ACTR5: variants seen among roughly 807,000 people sequenced by gnomAD.
The protein encoded by ACTR5 is actin related protein 5.
ACTR5 carries 43 observed loss-of-function variants against 61.2 expected under a neutral mutation model. The ratio of observed to expected loss-of-function variants is 0.70; its 90% CI spans 0.55 to 0.91. The LOEUF (loss-of-function observed/expected upper bound fraction) is 0.91, where lower values mean the gene tolerates loss of function less well. Ranked by LOEUF, ACTR5 falls within the 40% of genes least tolerant of loss-of-function variation. ACTR5 has a pLI of 0.00. For synonymous variants in ACTR5, 333 were observed against 310.5 expected (o/e 1.07, Z -0.76); for missense variants, 798 against 782.2 (o/e 1.02, Z -0.24).
At chr20:38,771,534 G>A (rs755556537) in intron 8 of ACTR5, 25 bp from the exon 9 acceptor site, 1 of 1,600,652 alleles carries the variant, frequency 6.2e-7, no homozygotes. Context: ...TGGTGGAGGT[G>A]TCCTGGTGAA....
At position 38,772,076 on chromosome 20, in the gene ACTR5, C is replaced by T. The variant is rs1414315021; in HGVS notation, c.*260C>T. On this transcript the variant is annotated 3_prime_UTR_variant, in exon 9 of 9. Transcript: ENST00000243903. ...CAACTGTGGCCAGCTGTGGCATCAG[C>T]TTCCTGGAGCAGTAAATGAAGACAG... The T allele has an allele frequency of 2.0e-6, 1 of 502,422 alleles. No individual in the cohort carries two copies. 31.1% of individuals were successfully genotyped at this position (502,422 alleles called of 1,614,324 possible).
chr20:38,765,475 C>T lies in ACTR5; in HGVS notation c.1250C>T (p.Ser417Leu). The change falls in exon 6 of 9, where the codon TCA (serine) becomes TTA (leucine). Residue 417 changes from serine to leucine, a missense_variant. Transcript: ENST00000243903. ...ATGAATGATTTTGATCCCTTGTTTT[C>T]AGAGGAAACACCTGGAGTGGAGAAG... ...ESMNDFDPLF[S>L]EETPGVEKPV... The T allele has an allele frequency of 3.7e-6, 6 of 1,614,162 alleles. No homozygotes were observed. The highest frequency in any genetic ancestry group is 1.3e-5 in the African/African-American group (1 of 75,034).
chr20:38,767,575 A>G lies in ACTR5; in HGVS notation c.1545A>G (p.Arg515=), dbSNP rs778351710. Residue 515 remains arginine (R), a synonymous_variant, in exon 8 of 9, where the codon AGA becomes AGG. Transcript: ENST00000243903. The part of the protein sequence containing the change: ...ARMEKELLEM[R]PFRSSFQVQL... Reference sequence around the variant, plus strand: ...TGGAGAAGGAACTGTTGGAGATGAGACCCTTCCGGTCTTCTTTTCAGGTAC... The same window carrying G: ...TGGAGAAGGAACTGTTGGAGATGAGGCCCTTCCGGTCTTCTTTTCAGGTAC... 4 of 1,613,666 alleles carry G rather than the reference A, an allele frequency of 2.5e-6. No individual in the cohort carries two copies. Among genetic ancestry groups the G allele is most frequent in the South Asian group, 1.1e-5 (1 of 91,018 alleles).
chr20:38,752,231 G>A lies in ACTR5; in HGVS notation c.706G>A (p.Ala236Thr). 2 of 1,614,130 alleles carry A rather than the reference G, an allele frequency of 1.2e-6. No homozygotes were observed. The highest frequency in any genetic ancestry group is 1.1e-5 in the South Asian group (1 of 91,086). The change falls in exon 3 of 9, where the codon GCC becomes ACC. Residue 236 changes from alanine to threonine, a missense_variant. Transcript: ENST00000243903. ...GCTGAAGTACCCTGGGCACCTGGCA[G>A]CCATCACCCTCAGCCGCATGGAGGA... is the stretch of plus-strand genomic sequence containing the variant. ...LQLKYPGHLA[A>T]ITLSRMEEIL...
rs151070334 is a variant in ACTR5, at chr20:38,766,345, G to C, written c.1401G>C (p.Gly467=). ...QPSLIGEEQA[G]IAETLQYILD... ...CTCTCATAGGAGAAGAACAGGCTGG[G>C]ATTGCAGAGACTCTTCAGTACATTC... The change falls in exon 7 of 9, where the codon GGG becomes GGC. Residue 467 remains glycine, a synonymous_variant. Transcript: ENST00000243903. The C allele has an allele frequency of 8.1e-6, 13 of 1,612,676 alleles. No individual in the cohort carries two copies. The highest frequency in any genetic ancestry group is 1.1e-5 in the Non-Finnish European group (13 of 1,179,722).
At chr20:38,769,907 G>C (rs1368619167) in intron 8 of ACTR5, among the ~76,000 whole-genome samples, 1 of 152,282 alleles carries the variant, frequency 6.6e-6, no homozygotes, top group Admixed American at 6.5e-5. Flanking sequence ...TGAGCATGGG[G>C]CTGGGTCACG....
In ACTR5 at chr20:38,748,556, C is replaced by T. The variant is rs538389472; in HGVS notation, c.78C>T (p.His26=). Residue 26 remains histidine, a synonymous_variant, in exon 1 of 9, where the codon CAC becomes CAT. Transcript: ENST00000243903. ...TGCTGGAGGCCGGCCCGGTGGCACA[C>T]GGGCCACTGCCGGTACCGCTGGTGC... is the stretch of plus-strand genomic sequence containing the variant. The part of the protein sequence containing the change: ...DPVLEAGPVA[H]GPLPVPLVLD... 4.0e-6 allele frequency: 6 copies of T among 1,512,732 alleles called. No homozygotes were observed. Among genetic ancestry groups the T allele is most frequent in the Admixed American group, 2.1e-5 (1 of 46,838 alleles). 93.7% of individuals were successfully genotyped at this position (1,512,732 alleles called of 1,614,324 possible). A position where few individuals can be genotyped will look rare whatever the true frequency, so the allele number is the denominator to read the frequency against.
intron 5 of ACTR5, among the ~76,000 whole-genome samples, chr20:38,762,470 A>C (rs1359992854): frequency 6.6e-6 from 1 of 152,242 alleles, no homozygotes; most frequent in East Asian, 1.9e-4. Flanking sequence ...AGGGGAGGAA[A>C]CAAAGACCCT....
intron 2 of ACTR5, among the ~76,000 whole-genome samples, chr20:38,751,560 G>A (rs2254488): frequency 0.21 from 32,261 of 152,154 alleles, 3,800 homozygotes; most frequent in Middle Eastern, 0.34. Flanking sequence ...ATACAGCAGT[G>A]ACATTTTAGT....
At position 38,765,411 on chromosome 20, in the gene ACTR5, C is replaced by T. The variant is rs1177681335; in HGVS notation, c.1186C>T (p.Leu396=). The change falls in exon 6 of 9, where the codon CTG becomes TTG. Residue 396 remains leucine, a synonymous_variant. Coordinates refer to ENST00000243903, the MANE Select transcript of ACTR5 (RefSeq NM_024855.4). ...VVDSKPETPD[L]EQLEPSLEDV... ...TTGCTCCTTCTCTTAGACCCCTGAC[C>T]TGGAGCAGCTGGAGCCGTCTTTGGA... is the stretch of plus-strand genomic sequence containing the variant. 1 of 1,614,008 alleles carries T rather than the reference C, an allele frequency of 6.2e-7. No individual in the cohort carries two copies. Among genetic ancestry groups the T allele is most frequent in the East Asian group, 2.2e-5 (1 of 44,878 alleles).
chr20:38,766,324 C>T lies in ACTR5; in HGVS notation c.1380C>T (p.Leu460=). 6.2e-7 allele frequency: 1 copy of T among 1,614,050 alleles called. No homozygotes were observed. The highest frequency in any genetic ancestry group is 8.5e-7 in the Non-Finnish European group (1 of 1,180,014). ...CAGAGATTATTTTCCAGCCATCTCT[C>T]ATAGGAGAAGAACAGGCTGGGATTG... ...RAPEIIFQPS[L]IGEEQAGIAE... is the part of the protein sequence containing the mutation. The change falls in exon 7 of 9, where the codon CTC becomes CTT. Residue 460 remains leucine (L), a synonymous_variant. Coordinates refer to ENST00000243903, the MANE Select transcript of ACTR5 (RefSeq NM_024855.4).
chr20:38,752,390 C>T (rs1407468693), intron 3 of ACTR5, 90 bp downstream of exon 3: 1 of 1,398,478 alleles, frequency 7.2e-7, no homozygotes, highest in Non-Finnish European at 9.5e-7. Context: ...TGCTTGCTCA[C>T]TTTTTAAGCA....
intron 5 of ACTR5, among the ~76,000 whole-genome samples, chr20:38,762,479 C>T (rs2084460920): frequency 1.3e-5 from 2 of 152,234 alleles, no homozygotes; most frequent in Non-Finnish European, 2.9e-5. Context: ...AACAAAGACC[C>T]TCCACCTCTG....
At position 38,748,812 on chromosome 20, in the gene ACTR5, C is replaced by T. The variant is rs749494248; in HGVS notation, c.334C>T (p.Leu112=). The change falls in exon 1 of 9, where the codon CTG becomes TTG. Residue 112 remains leucine (L), a synonymous_variant. Transcript: ENST00000243903. ...VPVNLELQEL[L]LDYSFQHLGV... ...GGTCAACCTGGAGCTTCAGGAGTTGCTGCTGGACTACAGCTTCCAGCACCT... is the reference window on the plus strand; with the variant it reads ...GGTCAACCTGGAGCTTCAGGAGTTGTTGCTGGACTACAGCTTCCAGCACCT... 37 of 1,609,084 alleles carry T rather than the reference C, an allele frequency of 2.3e-5. No homozygotes were observed. The highest frequency in any genetic ancestry group is 4.5e-5 in the East Asian group (2 of 44,488).
intron 2 of ACTR5, 30 bp downstream of exon 2, chr20:38,750,269 A>G (rs1314528666): frequency 6.3e-7 from 1 of 1,579,250 alleles, no homozygotes; most frequent in Non-Finnish European, 8.7e-7. Context: ...TTTGAGTGCG[A>G]TTTTGAGAAG....
chr20:38,748,600 A>G lies in ACTR5; in HGVS notation c.122A>G (p.Gln41Arg). ...VPLVLDNGSF[Q>R]VRAGWACPGQ... ...CTGGTGCTGGACAACGGGTCGTTCC[A>G]AGTCCGCGCTGGCTGGGCGTGTCCC... is the stretch of plus-strand genomic sequence containing the variant. Residue 41 changes from glutamine to arginine, a missense_variant, in exon 1 of 9, where the codon CAA becomes CGA. Transcript: ENST00000243903. 1 of 1,523,552 alleles carries G rather than the reference A, an allele frequency of 6.6e-7. No homozygotes were observed. Among genetic ancestry groups the G allele is most frequent in the Non-Finnish European group, 8.8e-7 (1 of 1,137,856 alleles). 94.4% of individuals were successfully genotyped at this position (1,523,552 alleles called of 1,614,324 possible). A position where few individuals can be genotyped will look rare whatever the true frequency, so the allele number is the denominator to read the frequency against.
At chr20:38,768,551 C>A (rs1186828366) in intron 8 of ACTR5, among the ~76,000 whole-genome samples, 1 of 152,186 alleles carries the variant, frequency 6.6e-6, no homozygotes, top group East Asian at 1.9e-4. Flanking sequence ...GTGTTGCCAA[C>A]CAGGGAAGCT....
intron 5 of ACTR5, among the ~76,000 whole-genome samples, chr20:38,759,275 T>G (rs1261665845): frequency 6.6e-6 from 1 of 152,262 alleles, no homozygotes; most frequent in Non-Finnish European, 1.5e-5. Context: ...TTCTGTGGTA[T>G]GCCTTGGCAA....
intron 5 of ACTR5, among the ~76,000 whole-genome samples, chr20:38,759,486 A>G (rs2084440783): frequency 1.3e-5 from 2 of 152,340 alleles, no homozygotes; most frequent in South Asian, 4.1e-4. Flanking sequence ...TGGGATAAAT[A>G]AATGTCCTTT....
Sources: gnomAD v4.1 joint callset for allele counts (sites outside exome capture counted in the v4.1 genomes callset) on GRCh38, gnomAD v4.1.1 for gene constraint, MANE v1.5 for transcripts, NCBI Gene and HGNC (gene_info 2026-07-23, HGNC 2026-07-21) for gene names.